Variants in PABIR3 observed in about 807,000 individuals in gnomAD.
PABIR3 encodes the protein PABIR family member 3.
A neutral mutation model predicts 23.1 loss-of-function variants in PABIR3; 20 were observed. The ratio of observed to expected loss-of-function variants is 0.86; its 90% CI spans 0.61 to 1.26. The LOEUF (loss-of-function observed/expected upper bound fraction) is 1.26, where lower values mean the gene tolerates loss of function less well. Ranked by LOEUF, PABIR3 falls within the 50% of genes most tolerant of loss-of-function variation. The probability of loss-of-function intolerance (pLI) is 0.00; values close to 1 mark genes in which losing one functional copy is unlikely to be tolerated. For synonymous variants in PABIR3, 69 were observed against 68.5 expected, an observed-to-expected ratio of 1.01 and a Z score of -0.04; for missense variants, 189 against 195.4, an observed-to-expected ratio of 0.97 and a Z score of 0.20.
chrX:134,837,616 C>A (rs923152717), intron 4 of PABIR3, among the ~76,000 whole-genome samples: 2 of 112,081 alleles, frequency 1.8e-5, no homozygotes, highest in African/African-American at 6.5e-5. Context: ...TAATGCATGG[C>A]TGTTGACCTT....
chrX:134,814,958 T>A (rs1407638745), intron 3 of PABIR3, 109 bp downstream of exon 3: 1 of 573,906 alleles, frequency 1.7e-6, no homozygotes, highest in African/African-American at 2.3e-5. Context: ...AAAACACAGA[T>A]GGCCAGCGGG....
intron 3 of PABIR3, among the ~76,000 whole-genome samples, chrX:134,818,855 G>A (rs969073219): frequency 2.7e-5 from 3 of 109,513 alleles, no homozygotes; most frequent in Non-Finnish European, 3.8e-5. Context: ...GTCAGCAACC[G>A]GTGCACCTGG....
Position 134,847,450 on chromosome X carries a change from C to T in PABIR3, c.413C>T (p.Ala138Val). 2.5e-6 allele frequency: 3 copies of T among 1,202,398 alleles called. No homozygotes were observed. The highest frequency in any genetic ancestry group is 1.8e-5 in the South Asian group (1 of 56,671). ...GATTTAACTCCAGTATCCTCAATGG[C>T]TTCTTCCATCAAGAAGACTGGGAAG... The part of the protein sequence containing the change: ...CIDLTPVSSM[A>V]SSIKKTGKQC... The change falls in exon 7 of 11, where the codon GCT (alanine) becomes GTT (valine). Residue 138 changes from alanine to valine, a missense_variant. By Grantham distance (64) the Ala-to-Val change is moderately conservative. Coordinates refer to ENST00000645433, the MANE Select transcript of PABIR3 (RefSeq NM_001388447.1).
At chrX:134,827,824 A>G (rs1248549416) in intron 3 of PABIR3, among the ~76,000 whole-genome samples, 2 of 108,921 alleles carry the variant, frequency 1.8e-5, no homozygotes, top group Non-Finnish European at 3.8e-5. Flanking sequence ...CTACTCCTCT[A>G]TGAAGACTTC....
At chrX:134,813,975 T>G (rs1013849289) in intron 2 of PABIR3, among the ~76,000 whole-genome samples, 2 of 109,032 alleles carry the variant, frequency 1.8e-5, no homozygotes, top group Admixed American at 9.9e-5. Context: ...TCTGGGTGTT[T>G]TTTTTTTTTT....
chrX:134,823,873 AAG>A (rs1215032989), intron 3 of PABIR3, among the ~76,000 whole-genome samples: 5 of 110,941 alleles, frequency 4.5e-5, no homozygotes, highest in Non-Finnish European at 9.4e-5. Context: ...CAAAGTAAAA[AAG>A]AAAAAAAAGT....
intron 2 of PABIR3, chrX:134,810,149 A>G (rs1323408800): frequency 1.3e-6 from 1 of 752,151 alleles, no homozygotes; most frequent in African/African-American, 2.3e-5. Context: ...GAAGATGTGT[A>G]CTGGAAGGAA....
At chrX:134,842,621 G>C (rs758312851) in intron 4 of PABIR3, among the ~76,000 whole-genome samples, 3 of 111,323 alleles carry the variant, frequency 2.7e-5, no homozygotes, top group Non-Finnish European at 5.7e-5. Flanking sequence ...AAAAAGTCCG[G>C]GCACAGTGGC....
At chrX:134,820,553 TA>T (rs1166579134) in intron 3 of PABIR3, among the ~76,000 whole-genome samples, 6 of 110,898 alleles carry the variant, frequency 5.4e-5, no homozygotes, top group African/African-American at 2.0e-4. Flanking sequence ...GGTACAATTT[TA>T]AAGGGTTTCA....
intron 4 of PABIR3, chrX:134,839,000 A>G (rs1157429675): frequency 3.5e-5 from 4 of 113,613 alleles, no homozygotes; most frequent in Non-Finnish European, 7.2e-5. Context: ...TCAGTGCTCA[A>G]TGGTGCCCAG....
intron 9 of PABIR3, 118 bp from the exon 10 acceptor site, chrX:134,852,682 C>A: frequency 4.9e-6 from 2 of 409,102 alleles, no homozygotes; most frequent in South Asian, 7.2e-5. Flanking sequence ...AAATTGTTTT[C>A]TTTGTGCTTT....
chrX:134,835,661 T>C (rs2081950651), intron 4 of PABIR3: 1 of 110,752 alleles, frequency 9.0e-6, no homozygotes, highest in African/African-American at 3.3e-5. Context: ...TTATTTTATT[T>C]ATTTATTTTT....
chrX:134,830,436 G>A (rs926271096), intron 4 of PABIR3, among the ~76,000 whole-genome samples: 2 of 100,075 alleles, frequency 2.0e-5, no homozygotes, highest in Admixed American at 1.2e-4. Context: ...AGGTTCAAGC[G>A]ATTCTCCTGC....
chrX:134,820,396 T>C (rs1445686779), intron 3 of PABIR3, among the ~76,000 whole-genome samples: 1 of 111,814 alleles, frequency 8.9e-6, no homozygotes, highest in Non-Finnish European at 1.9e-5. Context: ...TTAATGGTTA[T>C]GTCCTATACT....
At position 134,828,010 on chromosome X, in the gene PABIR3, GCTCTCTCT is replaced by G. The variant is rs1167724649; in HGVS notation, c.190-1185_190-1178del. On this transcript the variant is annotated intron_variant, in intron 3 of 10. Transcript: ENST00000645433. ...TTCGATCTTCAGAGTCTAGCTCAGTGCTCTCTCTCTCTCTCTCTCTCTCTCTCTCTCTC... is the reference window on the plus strand; with the variant it reads ...TTCGATCTTCAGAGTCTAGCTCAGTGCTCTCTCTCTCTCTCTCTCTCTCTC... Among the ~76,000 whole-genome samples, 153 of 61,277 alleles carry G rather than the reference GCTCTCTCT, an allele frequency of 2.5e-3. 1 individual carries two copies. Among genetic ancestry groups the G allele is most frequent in the African/African-American group, 7.9e-3 (117 of 14,875 alleles). 53.2% of individuals were successfully genotyped at this position (61,277 alleles called of 115,157 possible).
At chrX:134,807,164 CG>C (rs1194037789), upstream of PABIR3, 1 of 780,176 alleles carries the variant, frequency 1.3e-6, no homozygotes, top group African/African-American at 2.3e-5. Flanking sequence ...AGGCGTCGTC[CG>C]GCTGATAGCT....
intron 3 of PABIR3, chrX:134,821,786 C>T (rs2081307375): frequency 1.1e-6 from 1 of 882,531 alleles, no homozygotes; most frequent in Non-Finnish European, 1.4e-6. Flanking sequence ...CATTATAAAC[C>T]ATCTTAAATC....
chrX:134,848,044 G>A (rs949978788), intron 8 of PABIR3, 73 bp downstream of exon 8: 8 of 892,847 alleles, frequency 9.0e-6, no homozygotes, highest in Admixed American at 5.9e-5. Context: ...AGAAATTATA[G>A]CTCCAAGTTT....
upstream of PABIR3, among the ~76,000 whole-genome samples, chrX:134,805,281 T>G (rs1016205249): frequency 3.6e-5 from 4 of 111,854 alleles, no homozygotes; most frequent in African/African-American, 1.3e-4. Flanking sequence ...TTGTAAACTT[T>G]AAATGCAATC....
Sources: gnomAD v4.1 joint callset for allele counts (sites outside exome capture counted in the v4.1 genomes callset) on GRCh38, gnomAD v4.1.1 for gene constraint, MANE v1.5 for transcripts, NCBI Gene and HGNC (gene_info 2026-07-23, HGNC 2026-07-21) for gene names.